The following PLEKHA1 variants were observed in gnomAD, a reference collection of about 807,000 sequenced individuals.
PLEKHA1 encodes the protein pleckstrin homology domain containing A1, also known as pleckstrin homology domain-containing family A member 1.
Under a neutral mutation model 52.0 loss-of-function variants are expected in PLEKHA1, and 34 were observed. That is an observed-to-expected ratio of 0.65 (90% CI 0.50 to 0.87). The LOEUF is 0.87. Ranked by LOEUF, PLEKHA1 falls within the 40% of genes least tolerant of loss-of-function variation. The pLI is 0.00. For synonymous variants in PLEKHA1, 163 were observed against 170.7 expected (o/e 0.95, Z 0.35); for missense variants, 497 against 504.2 (o/e 0.99, Z 0.14).
chr10:122,442,024 A>C, the PLEKHA1 span: 29 of 152,284 alleles, frequency 1.9e-4, no homozygotes, highest in African/African-American at 6.3e-4. Context: ...TTCCATATTC[A>C]CCCTTAGAAG....
intron 3 of PLEKHA1, among the ~76,000 whole-genome samples, chr10:122,398,254 A>G (rs2096878060): frequency 6.6e-6 from 1 of 152,062 alleles, no homozygotes; most frequent in African/African-American, 2.4e-5. Context: ...CAGTGAAACA[A>G]ATTCTATCTT....
At chr10:122,402,163 A>G (rs971291648) in intron 4 of PLEKHA1, among the ~76,000 whole-genome samples, 1 of 152,170 alleles carries the variant, frequency 6.6e-6, no homozygotes, top group Non-Finnish European at 1.5e-5. Context: ...TCAAACTTAC[A>G]GGAATAGTAA....
intron 6 of PLEKHA1, among the ~76,000 whole-genome samples, 166 bp downstream of exon 6, chr10:122,413,211 A>G (rs1043250343): frequency 6.6e-6 from 1 of 152,200 alleles, no homozygotes; most frequent in African/African-American, 2.4e-5. Context: ...TTTGGAAATT[A>G]CATAACATTT....
intron 1 of PLEKHA1, among the ~76,000 whole-genome samples, chr10:122,385,083 C>T (rs1267635164): frequency 6.6e-6 from 1 of 152,046 alleles, no homozygotes; most frequent in Non-Finnish European, 1.5e-5. Flanking sequence ...CATTAAGATA[C>T]AGAACATTTC....
At chr10:122,395,390 A>G (rs2096836640) in intron 2 of PLEKHA1, among the ~76,000 whole-genome samples, 2 of 152,162 alleles carry the variant, frequency 1.3e-5, no homozygotes, top group African/African-American at 4.8e-5. Flanking sequence ...CATTAGTACC[A>G]ACTTGGTGTC....
downstream of PLEKHA1, chr10:122,436,414 A>G (rs2097437731): frequency 1.3e-5 from 2 of 152,246 alleles, no homozygotes; most frequent in Admixed American, 6.5e-5. Context: ...ACCAGAATAA[A>G]TAGTAAGTAA....
Position 122,415,952 on chromosome 10 carries a change from C to T in PLEKHA1, c.562C>T (p.Gln188Ter), listed in dbSNP as rs1422757799. Residue 188 changes from glutamine (Q) to a stop codon, truncating the protein, a stop_gained, in exon 7 of 12, where the codon CAA becomes TAA. Transcript: ENST00000368990. LOFTEE classifies it high-confidence loss of function. ...HLPYFTPKPP[Q>*]DSAVIKAGYC... ...TCCTTACTTTACTCCTAAACCACCT[C>T]AAGATAGTGCGGTTATCAAAGCTGG... 6.2e-7 allele frequency: 1 copy of T among 1,613,584 alleles called. No individual in the cohort carries two copies. The highest frequency in any genetic ancestry group is 8.5e-7 in the Non-Finnish European group (1 of 1,179,722).
chr10:122,393,401 A>T lies in PLEKHA1; in HGVS notation c.141+60A>T. 4 of 1,446,304 alleles carry T rather than the reference A, an allele frequency of 2.8e-6. No homozygotes were observed. Among genetic ancestry groups the T allele is most frequent in the Middle Eastern group, 1.9e-4 (1 of 5,364 alleles). The allele number at this position is 1,446,304 out of a possible 1,614,324, so 89.6% of individuals were successfully genotyped here. On this transcript the variant is annotated intron_variant, in intron 2 of 11. Coordinates refer to ENST00000368990, the MANE Select transcript of PLEKHA1 (RefSeq NM_001001974.4). This position sits in a 1 kb window ranked among gnomAD's most constrained non-coding sequence, Gnocchi z 4.5. Reference sequence around the variant, plus strand: ...ACAGAAAGTTGTATTTAAGTATTTAACATACTATACAGGCTTTAGATTTGT... The same window carrying T: ...ACAGAAAGTTGTATTTAAGTATTTATCATACTATACAGGCTTTAGATTTGT...
intron 5 of PLEKHA1, among the ~76,000 whole-genome samples, chr10:122,407,751 C>CGTTTTT (rs961158262): frequency 2.0e-5 from 3 of 151,870 alleles, no homozygotes; most frequent in Admixed American, 1.3e-4. Flanking sequence ...GTGTCAATTG[C>CGTTTTT]GTTTTTGTTT....
chr10:122,377,013 G>T (rs80123520), intron 1 of PLEKHA1, among the ~76,000 whole-genome samples: 1 of 152,084 alleles, frequency 6.6e-6, no homozygotes, highest in Non-Finnish European at 1.5e-5. Flanking sequence ...CTTAAGCCTG[G>T]AAGTTCTTTA....
chr10:122,389,425 C>T (rs12269675), intron 1 of PLEKHA1, among the ~76,000 whole-genome samples: 20,359 of 152,148 alleles, frequency 0.13, 1,561 homozygotes, highest in Middle Eastern at 0.19. Flanking sequence ...AGTGGCTGGG[C>T]GTGGTGGCTA....
downstream of PLEKHA1, chr10:122,432,945 A>G (rs955569232): frequency 2.0e-4 from 30 of 152,236 alleles, no homozygotes; most frequent in Non-Finnish European, 5.9e-5. Context: ...ACATTAGAGA[A>G]AAGTGTATAC....
downstream of PLEKHA1, chr10:122,437,286 G>A (rs1025668926): frequency 7.2e-5 from 11 of 152,204 alleles, no homozygotes; most frequent in South Asian, 2.1e-4. Flanking sequence ...GTAATGACAA[G>A]GTTTTCAGCC....
chr10:122,403,236 G>T (rs1265159384), intron 4 of PLEKHA1, among the ~76,000 whole-genome samples: 1 of 152,146 alleles, frequency 6.6e-6, no homozygotes, highest in Non-Finnish European at 1.5e-5. Flanking sequence ...ATGGAAAAGA[G>T]ATAAAAACCA....
intron 5 of PLEKHA1, chr10:122,412,390 A>G (rs181765026): frequency 2.0e-5 from 3 of 152,438 alleles, no homozygotes; most frequent in African/African-American, 7.2e-5. Flanking sequence ...GGTTTTGGTA[A>G]TAGTCTCTGT....
intron 3 of PLEKHA1, among the ~76,000 whole-genome samples, chr10:122,398,727 C>A (rs1187339676): frequency 1.3e-5 from 2 of 151,942 alleles, no homozygotes; most frequent in African/African-American, 2.4e-5. Context: ...TATGCATATA[C>A]TGAGATCTGT....
At chr10:122,381,681 T>C (rs1177976144) in intron 1 of PLEKHA1, among the ~76,000 whole-genome samples, 1 of 152,186 alleles carries the variant, frequency 6.6e-6, no homozygotes, top group African/African-American at 2.4e-5. Context: ...GGTAGTTCTT[T>C]ATAGCAATGC....
intron 1 of PLEKHA1, among the ~76,000 whole-genome samples, chr10:122,388,932 ATTC>A (rs3037938): frequency 0.31 from 47,539 of 152,078 alleles, 8,062 homozygotes; most frequent in Non-Finnish European, 0.4. Flanking sequence ...GGCCCTTCTA[ATTC>A]TAGTCCTTTT....
intron 1 of PLEKHA1, among the ~76,000 whole-genome samples, chr10:122,380,831 TC>T (rs1220094970): frequency 6.6e-6 from 1 of 152,090 alleles, no homozygotes; most frequent in Non-Finnish European, 1.5e-5. Flanking sequence ...TTTTTAAAAT[TC>T]CCAGGTAATT....
Sources: gnomAD v4.1 joint callset for allele counts (sites outside exome capture counted in the v4.1 genomes callset) on GRCh38, gnomAD v4.1.1 for gene constraint, Gnocchi (gnomAD v3.1) non-coding constraint, MANE v1.5 for transcripts, NCBI Gene and HGNC (gene_info 2026-07-23, HGNC 2026-07-21) for gene names.